CNTN5: variants seen among roughly 807,000 people sequenced by gnomAD.
CNTN5 encodes contactin 5, also known as contactin-5.
A neutral mutation model predicts 129.1 loss-of-function variants in CNTN5; 77 were observed. The observed-to-expected ratio is 0.60, with a 90% CI of 0.50 to 0.72. The LOEUF is 0.72. Ranked by LOEUF, CNTN5 falls within the 30% of genes least tolerant of loss-of-function variation. The pLI is 0.00. For synonymous variants in CNTN5, 509 were observed against 465.6 expected (o/e 1.09, Z -1.20); for missense variants, 1,478 against 1,328.8 (o/e 1.11, Z -1.75).
At chr11:99,739,341 T>C (rs1218987156) in intron 3 of CNTN5, among the ~76,000 whole-genome samples, 1 of 152,120 alleles carries the variant, frequency 6.6e-6, no homozygotes, top group Non-Finnish European at 1.5e-5. Context: ...AATTATTAAA[T>C]ATATAAAATC....
At chr11:99,912,388 C>A (rs965946490) in intron 6 of CNTN5, among the ~76,000 whole-genome samples, 1 of 151,918 alleles carries the variant, frequency 6.6e-6, no homozygotes, top group African/African-American at 2.4e-5. Flanking sequence ...GTGACCCAGA[C>A]TCCTGTGAGC....
chr11:100,165,709 T>C (rs1947610915), intron 13 of CNTN5, among the ~76,000 whole-genome samples: 1 of 151,800 alleles, frequency 6.6e-6, no homozygotes, highest in African/African-American at 2.4e-5. Context: ...TAAGGTCTCA[T>C]GCAATTTTAA....
intron 13 of CNTN5, among the ~76,000 whole-genome samples, chr11:100,171,896 G>A (rs1947838712): frequency 6.6e-6 from 1 of 151,906 alleles, no homozygotes; most frequent in African/African-American, 2.4e-5. Context: ...AAATACGTTG[G>A]TTTATATCTA....
At chr11:99,948,951 G>T (rs963702839) in intron 7 of CNTN5, among the ~76,000 whole-genome samples, 23 of 152,194 alleles carry the variant, frequency 1.5e-4, no homozygotes, top group African/African-American at 5.5e-4. Flanking sequence ...ATGGATACAG[G>T]GGAGAGGGTG....
At chr11:99,137,130 A>T (rs1859269766) in intron 1 of CNTN5, among the ~76,000 whole-genome samples, 1 of 152,152 alleles carries the variant, frequency 6.6e-6, no homozygotes, top group Non-Finnish European at 1.5e-5. Context: ...TTGACATTTC[A>T]CTTTACTGAG....
chr11:99,514,092 C>G (rs1478213413), intron 2 of CNTN5, among the ~76,000 whole-genome samples: 1 of 151,912 alleles, frequency 6.6e-6, no homozygotes, highest in African/African-American at 2.4e-5. Context: ...AATTTTAACC[C>G]TCATGGATGA....
At chr11:100,338,804 G>A (rs1421568573) in intron 21 of CNTN5, among the ~76,000 whole-genome samples, 2 of 151,746 alleles carry the variant, frequency 1.3e-5, no homozygotes, top group South Asian at 2.1e-4. Flanking sequence ...AGGTGCCTGT[G>A]ACCCCTAAGC....
At chr11:100,148,119 A>G (rs1946916049) in intron 13 of CNTN5, among the ~76,000 whole-genome samples, 1 of 152,124 alleles carries the variant, frequency 6.6e-6, no homozygotes, top group Admixed American at 6.5e-5. Context: ...ATAAGACCTT[A>G]TCCATATACT....
chr11:100,265,656 T>C (rs896816540), intron 17 of CNTN5, among the ~76,000 whole-genome samples: 2 of 152,158 alleles, frequency 1.3e-5, no homozygotes, highest in Admixed American at 1.3e-4. Context: ...TAAAAAATAA[T>C]GTCTCATTTT....
At chr11:99,403,843 A>G (rs1431339985) in intron 2 of CNTN5, among the ~76,000 whole-genome samples, 2 of 152,100 alleles carry the variant, frequency 1.3e-5, no homozygotes, top group Non-Finnish European at 2.9e-5. Context: ...TCTTGGATGA[A>G]AAGTTTTATA....
At chr11:99,492,131 A>G (rs1328155355) in intron 2 of CNTN5, among the ~76,000 whole-genome samples, 1 of 152,154 alleles carries the variant, frequency 6.6e-6, no homozygotes, top group Non-Finnish European at 1.5e-5. Flanking sequence ...CCTGCCAACA[A>G]AGATACTTTG....
chr11:99,966,741 C>T (rs1951104641), intron 8 of CNTN5, among the ~76,000 whole-genome samples: 1 of 152,188 alleles, frequency 6.6e-6, no homozygotes, highest in Non-Finnish European at 1.5e-5. Flanking sequence ...ACAGCCCTAG[C>T]ACACATTTCT....
intron 9 of CNTN5, among the ~76,000 whole-genome samples, chr11:100,037,432 T>G (rs58634345): frequency 0.013 from 2,050 of 152,130 alleles, 60 homozygotes; most frequent in African/African-American, 0.047. Flanking sequence ...AAATTCTCTT[T>G]TTTGGTTGTG....
chr11:99,594,084 G>T (rs555648490), intron 3 of CNTN5, among the ~76,000 whole-genome samples: 1 of 152,224 alleles, frequency 6.6e-6, no homozygotes, highest in East Asian at 1.9e-4. Flanking sequence ...CCTGATTGTT[G>T]TTCTGCCTAG....
At chr11:100,215,555 A>G (rs1949122044) in intron 15 of CNTN5, among the ~76,000 whole-genome samples, 1 of 152,208 alleles carries the variant, frequency 6.6e-6, no homozygotes, top group Non-Finnish European at 1.5e-5. Context: ...TGTCATGTTC[A>G]GCCGTAATAA....
At chr11:99,376,514 T>C (rs546118329) in intron 2 of CNTN5, among the ~76,000 whole-genome samples, 4 of 152,168 alleles carry the variant, frequency 2.6e-5, no homozygotes, top group Non-Finnish European at 5.9e-5. Context: ...AAATTGTCCT[T>C]GTAGTTTACT....
intron 9 of CNTN5, among the ~76,000 whole-genome samples, chr11:100,051,230 A>T (rs766845505): frequency 6.6e-6 from 1 of 152,096 alleles, no homozygotes. Flanking sequence ...ATTCACCAAG[A>T]TAAATTATGT....
chr11:100,234,792 TAAAAAAAAA>T (rs781363668), intron 16 of CNTN5, among the ~76,000 whole-genome samples: 13 of 102,066 alleles, frequency 1.3e-4, no homozygotes, highest in South Asian at 8.2e-4. Flanking sequence ...TCCCAGAATT[TAAAAAAAAA>T]AAAAAAAAAA....
chr11:99,100,358 T>G (rs1866667006), intron 1 of CNTN5, among the ~76,000 whole-genome samples: 1 of 152,130 alleles, frequency 6.6e-6, no homozygotes, highest in African/African-American at 2.4e-5. Context: ...GTAAGAACAA[T>G]ATTCTTCAAC....
Sources: gnomAD v4.1 joint callset for allele counts (sites outside exome capture counted in the v4.1 genomes callset) on GRCh38, gnomAD v4.1.1 for gene constraint, MANE v1.5 for transcripts, NCBI Gene and HGNC (gene_info 2026-07-23, HGNC 2026-07-21) for gene names.